RGS6: variants seen among roughly 807,000 people sequenced by gnomAD.
RGS6 encodes the protein regulator of G protein signaling 6.
In RGS6, 30 loss-of-function variants were observed where a neutral mutation model predicts 78.5. The ratio of observed to expected loss-of-function variants is 0.38; its 90% CI spans 0.29 to 0.52. The LOEUF (loss-of-function observed/expected upper bound fraction) is 0.52. Among genes scored for constraint, RGS6 ranks in the 20% least tolerant of loss-of-function variants. The pLI is 0.85. For missense variants in RGS6, 495 were observed against 609.7 expected, an observed-to-expected ratio of 0.81 and a Z score of 1.98; for synonymous variants, 206 against 206.0, an observed-to-expected ratio of 1.00 and a Z score of 0.00.
At chr14:72,629,039 A>C in the RGS6 span, among the ~76,000 whole-genome samples, 3 of 152,192 alleles carry the variant, frequency 2.0e-5, no homozygotes, top group Non-Finnish European at 4.4e-5. Context: ...TAATAGAAAC[A>C]TTTATGAGAC....
rs189380021 is a variant in RGS6, at chr14:71,957,892, A to C, written c.-20-6880A>C. ...GTGATCCTCCCACATCAGCCTCCCG[A>C]GTAGCTGAGACTACAGGCAACGCAC... On this transcript the variant is annotated intron_variant, in intron 1 of 17. Transcript: ENST00000553525. Among the ~76,000 whole-genome samples the C allele has an allele frequency of 7.8e-3, 1,185 of 152,108 alleles. 10 individuals carry two copies. Among genetic ancestry groups the C allele is most frequent in the Non-Finnish European group, 0.012 (790 of 68,000 alleles).
At chr14:72,487,184 G>A (rs2096503716) in intron 12 of RGS6, among the ~76,000 whole-genome samples, 1 of 152,214 alleles carries the variant, frequency 6.6e-6, no homozygotes, top group African/African-American at 2.4e-5. Flanking sequence ...TGAACACTGG[G>A]TTTATTTGCG....
Position 72,371,859 on chromosome 14 carries a change from A to C in RGS6, c.184+19665A>C, listed in dbSNP as rs1433173490. On this transcript the variant is annotated intron_variant, in intron 3 of 17. Transcript: ENST00000553525. ...TAGTGTAGCTGACCCGGGATCACTG[A>C]CTCTTTTTTAGAGAAGGAACTGGGA... is the stretch of plus-strand genomic sequence containing the variant. 2.0e-5 allele frequency among the ~76,000 whole-genome samples: 3 copies of C among 152,144 alleles called. No homozygotes were observed. The East Asian group carries it at 5.8e-4, about 29-fold the overall frequency.
the RGS6 span, among the ~76,000 whole-genome samples, chr14:71,918,618 G>A: frequency 1.3e-5 from 2 of 152,290 alleles, no homozygotes; most frequent in African/African-American, 2.4e-5. Context: ...TTCCATTTGA[G>A]TTGATACAGT....
At chr14:72,114,015 G>T (rs149048406) in intron 2 of RGS6, among the ~76,000 whole-genome samples, 1 of 152,276 alleles carries the variant, frequency 6.6e-6, no homozygotes, top group East Asian at 1.9e-4. Context: ...AGAGGAAATG[G>T]CTGTTGTATT....
rs1156704462 is a variant in RGS6, at chr14:71,990,022, G to A, written c.84+25147G>A. On this transcript the variant is annotated intron_variant, in intron 2 of 17. Transcript: ENST00000553525. ...AGCTCACAGTTCTGCAGGTGTACAAGAAGCATGGCACCGGCATCAACATGT... is the reference window on the plus strand; with the variant it reads ...AGCTCACAGTTCTGCAGGTGTACAAAAAGCATGGCACCGGCATCAACATGT... 2.6e-5 allele frequency among the ~76,000 whole-genome samples: 4 copies of A among 152,286 alleles called. No individual in the cohort carries two copies. The East Asian group carries it at 7.7e-4, about 29-fold the overall frequency.
At chr14:72,120,038 C>T (rs2096008104) in intron 2 of RGS6, among the ~76,000 whole-genome samples, 1 of 152,122 alleles carries the variant, frequency 6.6e-6, no homozygotes, top group Non-Finnish European at 1.5e-5. Flanking sequence ...TTGAAAGTAT[C>T]CAGACTGACT....
intron 3 of RGS6, among the ~76,000 whole-genome samples, chr14:72,373,229 A>T (rs1001718276): frequency 1.3e-5 from 2 of 152,230 alleles, no homozygotes; most frequent in Admixed American, 1.3e-4. Context: ...TCTGCTCAAG[A>T]TGTCATAAGG....
At chr14:72,206,956 T>C (rs1017051975) in intron 2 of RGS6, among the ~76,000 whole-genome samples, 2 of 152,176 alleles carry the variant, frequency 1.3e-5, no homozygotes, top group Non-Finnish European at 2.9e-5. Flanking sequence ...AGAAATAGAA[T>C]TTTCTAGAGG....
intron 2 of RGS6, among the ~76,000 whole-genome samples, chr14:72,059,002 C>T (rs996745356): frequency 6.6e-6 from 1 of 152,132 alleles, no homozygotes; most frequent in Admixed American, 6.5e-5. Context: ...CTCCTGGGCT[C>T]AACTGATTCT....
At chr14:72,115,503 C>T (rs2095866276) in intron 2 of RGS6, among the ~76,000 whole-genome samples, 1 of 152,152 alleles carries the variant, frequency 6.6e-6, no homozygotes, top group Non-Finnish European at 1.5e-5. Context: ...GCCGACTGCC[C>T]TTCTCCATGG....
chr14:71,931,417 G>C (rs2087852499), upstream of RGS6, among the ~76,000 whole-genome samples: 1 of 152,088 alleles, frequency 6.6e-6, no homozygotes, highest in Non-Finnish European at 1.5e-5. Flanking sequence ...GTCTATTGAA[G>C]GAAAGAATGA....
intron 3 of RGS6, among the ~76,000 whole-genome samples, chr14:72,363,271 A>G (rs2239227): frequency 0.12 from 18,073 of 152,286 alleles, 1,082 homozygotes; most frequent in East Asian, 0.18. Context: ...TTAAGCAGGA[A>G]GAAATGAGGA....
At chr14:71,872,889 G>T in the RGS6 span, among the ~76,000 whole-genome samples, 3 of 152,140 alleles carry the variant, frequency 2.0e-5, no homozygotes, top group Non-Finnish European at 4.4e-5. Context: ...AGAACATGCG[G>T]TGTTTGGTTT....
At chr14:72,476,659 G>A in intron 10 of RGS6, 83 bp from the exon 11 acceptor site, 1 of 995,770 alleles carries the variant, frequency 1.0e-6, no homozygotes, top group South Asian at 1.4e-5. Flanking sequence ...CACGAAATTG[G>A]ATGAGTCATT....
intron 3 of RGS6, among the ~76,000 whole-genome samples, chr14:72,441,195 G>A (rs1254040866): frequency 6.6e-6 from 1 of 152,164 alleles, no homozygotes; most frequent in African/African-American, 2.4e-5. Context: ...GGGCTGGAAT[G>A]AGAGGCTGAA....
At chr14:72,212,989 A>G (rs1316141645) in intron 2 of RGS6, among the ~76,000 whole-genome samples, 2 of 152,192 alleles carry the variant, frequency 1.3e-5, no homozygotes, top group South Asian at 2.1e-4. Context: ...AAGTCTCTAC[A>G]CCAGTTGTAT....
intron 3 of RGS6, among the ~76,000 whole-genome samples, chr14:72,442,673 G>A (rs992791922): frequency 6.6e-6 from 1 of 152,208 alleles, no homozygotes; most frequent in African/African-American, 2.4e-5. Flanking sequence ...CATCTTACAG[G>A]TGTTATCCTC....
chr14:72,177,863 C>T (rs2097126905), intron 2 of RGS6, among the ~76,000 whole-genome samples: 1 of 152,222 alleles, frequency 6.6e-6, no homozygotes, highest in Non-Finnish European at 1.5e-5. Flanking sequence ...ATCTTAACAT[C>T]CACAACTACA....
Sources: gnomAD v4.1 joint callset for allele counts (sites outside exome capture counted in the v4.1 genomes callset) on GRCh38, gnomAD v4.1.1 for gene constraint, MANE v1.5 for transcripts, NCBI Gene and HGNC (gene_info 2026-07-23, HGNC 2026-07-21) for gene names.